The following GPATCH2L variants were observed in gnomAD, a reference collection of about 807,000 sequenced individuals.
GPATCH2L encodes the protein G patch domain-containing protein 2-like.
A neutral mutation model predicts 57.4 loss-of-function variants in GPATCH2L; 31 were observed. The observed-to-expected ratio is 0.54, with a 90% CI of 0.41 to 0.73. The LOEUF (loss-of-function observed/expected upper bound fraction) is 0.73. Ranked by LOEUF, GPATCH2L falls within the 30% of genes least tolerant of loss-of-function variation. The pLI is 0.00. For missense variants in GPATCH2L, 481 were observed against 599.9 expected (o/e 0.80, Z 2.07); for synonymous variants, 199 against 210.7 (o/e 0.94, Z 0.48).
At chr14:76,223,609 T>C (rs2040524766) in intron 1 of GPATCH2L, among the ~76,000 whole-genome samples, 2 of 152,194 alleles carry the variant, frequency 1.3e-5, no homozygotes, top group Non-Finnish European at 2.9e-5. Flanking sequence ...TAAAATTTTT[T>C]GCTTCAAAAA....
chr14:76,173,117 G>A (rs2039161794), intron 4 of GPATCH2L, among the ~76,000 whole-genome samples: 1 of 152,078 alleles, frequency 6.6e-6, no homozygotes, highest in African/African-American at 2.4e-5. Context: ...GAAAAATTGG[G>A]TTATCCGACA....
intron 9 of GPATCH2L, 141 bp from the exon 10 acceptor site, chr14:76,201,550 C>T (rs2040310552): frequency 6.3e-6 from 3 of 475,076 alleles, no homozygotes; most frequent in South Asian, 5.5e-5. Context: ...AAAGAGATAC[C>T]TTACGTGGCC....
chr14:76,172,216 A>T (rs1340508632), intron 4 of GPATCH2L, among the ~76,000 whole-genome samples, 197 bp downstream of exon 4: 1 of 152,228 alleles, frequency 6.6e-6, no homozygotes, highest in Admixed American at 6.5e-5. Flanking sequence ...AAACTAATCC[A>T]TGGAAACTCC....
Position 76,213,197 on chromosome 14 carries a change from G to A in GPATCH2L, c.*11346G>A, listed in dbSNP as rs1042736783. Reference sequence around the variant, plus strand: ...TAACATTTTAGCTAACATTACAAGAGAAGACAAACACAAAATAAGAATTAC... The same window carrying A: ...TAACATTTTAGCTAACATTACAAGAAAAGACAAACACAAAATAAGAATTAC... On this transcript the variant is annotated 3_prime_UTR_variant, in exon 10 of 10. Coordinates refer to ENST00000261530, the MANE Select transcript of GPATCH2L (RefSeq NM_017926.4). 12 of 152,016 alleles carry A rather than the reference G, an allele frequency of 7.9e-5. No homozygotes were observed. The highest frequency in any genetic ancestry group is 1.8e-4 in the Non-Finnish European group (12 of 67,978). The allele number at this position is 152,016 out of a possible 1,614,324, so 9.4% of individuals were successfully genotyped here. A position where few individuals can be genotyped will look rare whatever the true frequency, so the allele number is the denominator to read the frequency against.
chr14:76,195,795 A>T, intron 8 of GPATCH2L, 83 bp from the exon 9 acceptor site: 1 of 1,019,766 alleles, frequency 9.8e-7, no homozygotes, highest in Non-Finnish European at 1.5e-6. Flanking sequence ...GTAATAGGTT[A>T]AGGATTTAAT....
At chr14:76,217,796 C>T (rs766583923), downstream of GPATCH2L, among the ~76,000 whole-genome samples, 5 of 152,108 alleles carry the variant, frequency 3.3e-5, no homozygotes, top group African/African-American at 1.2e-4. Flanking sequence ...GTCTCTCAAA[C>T]GTGAAAAGAT....
intron 2 of GPATCH2L, among the ~76,000 whole-genome samples, chr14:76,162,048 C>CAA (rs532038946): frequency 6.6e-6 from 1 of 151,562 alleles, no homozygotes; most frequent in Admixed American, 6.6e-5. Context: ...AAAAAATAAA[C>CAA]AAAAAAAAAC....
intron 8 of GPATCH2L, among the ~76,000 whole-genome samples, chr14:76,189,997 G>A (rs1186024608): frequency 6.6e-6 from 1 of 152,120 alleles, no homozygotes; most frequent in African/African-American, 2.4e-5. Flanking sequence ...TTCGCAGACA[G>A]ACTGTTTTCT....
intron 5 of GPATCH2L, chr14:76,173,957 G>A (rs1312576157): frequency 2.8e-6 from 1 of 361,432 alleles, no homozygotes; most frequent in Non-Finnish European, 4.9e-6. Context: ...AATACTCTTG[G>A]CTTCTTTATG....
intron 6 of GPATCH2L, 192 bp from the exon 7 acceptor site, chr14:76,177,796 T>G (rs2039397064): frequency 8.0e-6 from 6 of 748,826 alleles, no homozygotes; most frequent in African/African-American, 3.5e-5. Flanking sequence ...TTGTCTTTAC[T>G]TAATTATTCC....
intron 8 of GPATCH2L, among the ~76,000 whole-genome samples, chr14:76,183,002 T>G (rs1413206094): frequency 6.6e-6 from 1 of 152,250 alleles, no homozygotes; most frequent in Non-Finnish European, 1.5e-5. Flanking sequence ...TTGAGTAGCA[T>G]GATATCATGT....
Position 76,202,560 on chromosome 14 carries a change from C to T in GPATCH2L, c.*709C>T, listed in dbSNP as rs1060482. 7.3e-6 allele frequency: 1 copy of T among 137,068 alleles called. No individual in the cohort carries two copies. The highest frequency in any genetic ancestry group is 2.7e-4 in the South Asian group (1 of 3,716). The allele number at this position is 137,068 out of a possible 1,614,324, so 8.5% of individuals were successfully genotyped here. On this transcript the variant is annotated 3_prime_UTR_variant, in exon 10 of 10. Coordinates refer to ENST00000261530, the MANE Select transcript of GPATCH2L (RefSeq NM_017926.4). ...ATACACACACACACACACACACACA[C>T]ACAGATTGGTATAATGGAGAAGATG...
chr14:76,180,893 A>G, intron 8 of GPATCH2L, 44 bp downstream of exon 8: 2 of 1,166,128 alleles, frequency 1.7e-6, no homozygotes, highest in Non-Finnish European at 2.6e-6. Flanking sequence ...GGACAATACT[A>G]TATTCCTTTC....
At chr14:76,169,463 T>C (rs1257237428) in intron 3 of GPATCH2L, among the ~76,000 whole-genome samples, 1 of 152,206 alleles carries the variant, frequency 6.6e-6, no homozygotes, top group African/African-American at 2.4e-5. Context: ...TAAGCCTATT[T>C]GGTTTAAAGC....
intron 2 of GPATCH2L, among the ~76,000 whole-genome samples, chr14:76,157,611 C>T (rs183151913): frequency 6.6e-6 from 1 of 151,692 alleles, no homozygotes; most frequent in African/African-American, 2.4e-5. Flanking sequence ...TAATGATCCA[C>T]ATTGTAAGAT....
In GPATCH2L at chr14:76,210,484, T is replaced by C. The variant is rs8005754; in HGVS notation, c.*8633T>C. 59,257 of 152,036 alleles carry C rather than the reference T, an allele frequency of 0.39. 14,055 individuals are homozygous for C. The highest frequency in any genetic ancestry group is 0.56 in the South Asian group (2,662 of 4,796). The allele number at this position is 152,036 out of a possible 1,614,324, so 9.4% of individuals were successfully genotyped here. A position where few individuals can be genotyped will look rare whatever the true frequency, so the allele number is the denominator to read the frequency against. The stretch of plus-strand genomic sequence containing the variant: ...GACCTCTTTATTGACTTGTTTGTCC[T>C]GGTGGGCTGTTTCTCTACCAGGCAA... On this transcript the variant is annotated 3_prime_UTR_variant, in exon 10 of 10. Transcript: ENST00000261530.
At chr14:76,178,153 G>T in intron 7 of GPATCH2L, 111 bp downstream of exon 7, 1 of 1,277,488 alleles carries the variant, frequency 7.8e-7, no homozygotes, top group South Asian at 1.2e-5. Context: ...AGGTTCAACT[G>T]TGATCATTAG....
intron 1 of GPATCH2L, among the ~76,000 whole-genome samples, chr14:76,225,986 G>A (rs1056977694): frequency 2.0e-5 from 3 of 152,132 alleles, no homozygotes; most frequent in Non-Finnish European, 4.4e-5. Flanking sequence ...ACGGAGCAAC[G>A]AACACTCTCA....
In GPATCH2L at chr14:76,209,431, C is replaced by A. The variant is rs942126899; in HGVS notation, c.*7580C>A. The stretch of plus-strand genomic sequence containing the variant: ...CACCTCCCTTGTTCCTCCTCCAAGC[C>A]CAGTGAGGTAGGAGGAATTGCTAAT... On this transcript the variant is annotated 3_prime_UTR_variant, in exon 10 of 10. Transcript: ENST00000261530. The A allele has an allele frequency of 6.6e-6, 1 of 152,226 alleles. No homozygotes were observed. The highest frequency in any genetic ancestry group is 1.5e-5 in the Non-Finnish European group (1 of 68,072). The allele number at this position is 152,226 out of a possible 1,614,324, so 9.4% of individuals were successfully genotyped here.
Sources: allele counts gnomAD v4.1 joint callset (sites outside exome capture counted in the v4.1 genomes callset), GRCh38; gene constraint gnomAD v4.1.1; transcripts MANE v1.5; gene names NCBI Gene and HGNC (gene_info 2026-07-23, HGNC 2026-07-21).